Variants in LYRM4 observed in about 807,000 individuals in gnomAD.
The protein encoded by LYRM4 is LYR motif containing 4, also known as LYR motif-containing protein 4.
In LYRM4, 9 loss-of-function variants were observed where a neutral mutation model predicts 11.7. The ratio of observed to expected loss-of-function variants is 0.77; its 90% CI spans 0.46 to 1.34. The LOEUF (loss-of-function observed/expected upper bound fraction) is 1.34. Ranked by LOEUF, LYRM4 falls within the 40% of genes most tolerant of loss-of-function variation. The probability of loss-of-function intolerance (pLI) is 0.00; values close to 1 mark genes in which losing one functional copy is unlikely to be tolerated. For missense variants in LYRM4, 133 were observed against 112.5 expected (o/e 1.18, Z -0.82); for synonymous variants, 42 against 40.4 (o/e 1.04, Z -0.15).
chr6:5,064,574 A>AT, the LYRM4 span, among the ~76,000 whole-genome samples: 5 of 151,710 alleles, frequency 3.3e-5, no homozygotes, highest in Admixed American at 6.6e-5. Flanking sequence ...TTTGCTTAAA[A>AT]TTTTTTTTTA....
At chr6:5,058,008 T>A in the LYRM4 span, among the ~76,000 whole-genome samples, 1 of 152,126 alleles carries the variant, frequency 6.6e-6, no homozygotes, top group East Asian at 1.9e-4. Context: ...TGCCTCGGCC[T>A]CCCAAAGTGC....
the LYRM4 span, among the ~76,000 whole-genome samples, chr6:5,081,999 G>A: frequency 5.3e-5 from 8 of 152,336 alleles, no homozygotes; most frequent in Non-Finnish European, 1.2e-4. Flanking sequence ...GGCCCTGGAA[G>A]TCCCATGCCC....
chr6:5,045,581 G>A, the LYRM4 span, among the ~76,000 whole-genome samples: 1 of 152,232 alleles, frequency 6.6e-6, no homozygotes, highest in African/African-American at 2.4e-5. Flanking sequence ...TTGTAAAAGA[G>A]CAGCTGCGCT....
At chr6:5,055,886 G>C in the LYRM4 span, among the ~76,000 whole-genome samples, 2 of 152,162 alleles carry the variant, frequency 1.3e-5, no homozygotes, top group African/African-American at 2.4e-5. This position sits in a 1 kb window ranked among gnomAD's most constrained non-coding sequence, Gnocchi z 4.5. Context: ...AGACCTACTA[G>C]AATCTCAGGC....
At chr6:5,100,681 T>C (rs1289812557), downstream of LYRM4, among the ~76,000 whole-genome samples, 1 of 152,038 alleles carries the variant, frequency 6.6e-6, no homozygotes, top group Non-Finnish European at 1.5e-5. Flanking sequence ...ACCCCCAATG[T>C]CTCTACTGCA....
At chr6:5,147,468 C>A (rs1757791622) in intron 2 of LYRM4, among the ~76,000 whole-genome samples, 1 of 152,174 alleles carries the variant, frequency 6.6e-6, no homozygotes, top group African/African-American at 2.4e-5. Context: ...ATGGTGTCCT[C>A]TTTCTCTGAA....
At chr6:5,219,834 G>T (rs184135655) in intron 1 of LYRM4, among the ~76,000 whole-genome samples, 1 of 152,104 alleles carries the variant, frequency 6.6e-6, no homozygotes, top group Non-Finnish European at 1.5e-5. Flanking sequence ...TGGCAGCTAG[G>T]TGCTACACAA....
chr6:5,126,961 T>C (rs1212585296), intron 2 of LYRM4, among the ~76,000 whole-genome samples: 1 of 152,164 alleles, frequency 6.6e-6, no homozygotes, highest in Admixed American at 6.5e-5. Context: ...ATATACTTTA[T>C]TTATTTATTT....
At chr6:5,148,519 G>A (rs193087415) in intron 2 of LYRM4, among the ~76,000 whole-genome samples, 3 of 43,004 alleles carry the variant, frequency 7.0e-5, no homozygotes, top group Admixed American at 2.0e-4. Flanking sequence ...GCTGGGCTGG[G>A]TATACGCCTT....
At chr6:5,224,722 G>A (rs896685161) in intron 1 of LYRM4, among the ~76,000 whole-genome samples, 10 of 152,218 alleles carry the variant, frequency 6.6e-5, no homozygotes, top group Non-Finnish European at 1.5e-4. Flanking sequence ...CACTCTGGGA[G>A]GCCGAGGTGG....
At chr6:5,215,255 T>C (rs1762211203) in intron 2 of LYRM4, among the ~76,000 whole-genome samples, 1 of 152,222 alleles carries the variant, frequency 6.6e-6, no homozygotes, top group Non-Finnish European at 1.5e-5. Context: ...TCTGAGTTTA[T>C]GCAAAGTAAG....
At chr6:5,048,467 A>G in the LYRM4 span, among the ~76,000 whole-genome samples, 1 of 151,918 alleles carries the variant, frequency 6.6e-6, no homozygotes, top group Non-Finnish European at 1.5e-5. Flanking sequence ...GGCGCATGAC[A>G]CCATGCCCAC....
intron 2 of LYRM4, among the ~76,000 whole-genome samples, chr6:5,172,619 C>G (rs957847869): frequency 6.6e-6 from 1 of 152,132 alleles, no homozygotes; most frequent in African/African-American, 2.4e-5. Flanking sequence ...AATGACTGCA[C>G]CTGGTCCAAA....
At chr6:5,213,615 G>A (rs1762099244) in intron 2 of LYRM4, among the ~76,000 whole-genome samples, 2 of 152,156 alleles carry the variant, frequency 1.3e-5, no homozygotes, top group South Asian at 4.1e-4. Context: ...CTCCATGAGG[G>A]TTAATATGTC....
intron 1 of LYRM4, among the ~76,000 whole-genome samples, chr6:5,250,627 C>T (rs1764383640): frequency 6.6e-6 from 1 of 152,152 alleles, no homozygotes; most frequent in Non-Finnish European, 1.5e-5. Context: ...CTCTAGTTGC[C>T]TGTGGAGCAT....
At chr6:5,109,547 A>G in intron 2 of LYRM4, 56 bp from the exon 3 acceptor site, 2 of 1,522,966 alleles carry the variant, frequency 1.3e-6, no homozygotes, top group South Asian at 1.1e-5. Context: ...CCCCTGGGAA[A>G]GGCCAGAAGG....
At chr6:5,064,727 C>G in the LYRM4 span, among the ~76,000 whole-genome samples, 1 of 152,104 alleles carries the variant, frequency 6.6e-6, no homozygotes, top group Non-Finnish European at 1.5e-5. Context: ...TTAGTTGAAA[C>G]ACAATTGTAC....
intron 1 of LYRM4, among the ~76,000 whole-genome samples, chr6:5,227,428 A>G (rs1432140308): frequency 6.6e-6 from 1 of 152,234 alleles, no homozygotes; most frequent in Non-Finnish European, 1.5e-5. Flanking sequence ...GGCAAATTGT[A>G]CAGAGAGTAG....
the LYRM4 span, among the ~76,000 whole-genome samples, chr6:5,092,870 A>T: frequency 6.6e-6 from 1 of 152,216 alleles, no homozygotes; most frequent in African/African-American, 2.4e-5. Flanking sequence ...CAGCAAACCC[A>T]GAGCCCCTGT....
Sources: gnomAD v4.1 joint callset for allele counts (sites outside exome capture counted in the v4.1 genomes callset) on GRCh38, gnomAD v4.1.1 for gene constraint, Gnocchi (gnomAD v3.1) non-coding constraint, MANE v1.5 for transcripts, NCBI Gene and HGNC (gene_info 2026-07-23, HGNC 2026-07-21) for gene names.